FGGY: variants seen among roughly 807,000 people sequenced by gnomAD.
FGGY encodes the protein FGGY carbohydrate kinase domain-containing protein.
Under a neutral mutation model 71.3 loss-of-function variants are expected in FGGY, and 72 were observed. The ratio of observed to expected loss-of-function variants is 1.01; its 90% CI spans 0.84 to 1.23. The LOEUF (loss-of-function observed/expected upper bound fraction) is 1.23. FGGY is among the 50% of genes most tolerant of loss of function. The pLI is 0.00. For missense variants in FGGY, 668 were observed against 682.3 expected, an observed-to-expected ratio of 0.98 and a Z score of 0.23; for synonymous variants, 251 against 250.3, an observed-to-expected ratio of 1.00 and a Z score of -0.02.
At chr1:59,659,952 GAAATATCAAACATAATCTTC>G in intron 11 of FGGY, among the ~76,000 whole-genome samples, 1 of 152,282 alleles carries the variant, frequency 6.6e-6, no homozygotes, top group Non-Finnish European at 1.5e-5. Flanking sequence ...TATCGTCTAA[GAAATATCAAACATAATCTTC>G]CTGTGGTATT....
chr1:59,644,699 C>T (rs903888508), intron 11 of FGGY, among the ~76,000 whole-genome samples: 5 of 151,732 alleles, frequency 3.3e-5, no homozygotes, highest in East Asian at 1.9e-4. Context: ...GAATATAGGC[C>T]GGGTGCGGTG....
rs1444284884 is a variant in FGGY, at chr1:59,500,178, A to G, written c.671-12133A>G. Among the ~76,000 whole-genome samples the G allele has an allele frequency of 2.2e-4, 34 of 152,226 alleles. 2 individuals are homozygous for G. ...ATATGATCAGAGCAAATTCCAGGGT[A>G]TGCTTGAAAGTAGATTTAAGGAAGA... On this transcript the variant is annotated intron_variant, in intron 6 of 15. Transcript: ENST00000303721.
chr1:59,516,209 C>G (rs1186318906), intron 7 of FGGY, among the ~76,000 whole-genome samples: 1 of 152,140 alleles, frequency 6.6e-6, no homozygotes, highest in African/African-American at 2.4e-5. Flanking sequence ...TCTACCTTTC[C>G]TATACCCCTA....
intron 7 of FGGY, among the ~76,000 whole-genome samples, chr1:59,550,156 G>A (rs186563196): frequency 6.6e-6 from 1 of 152,100 alleles, no homozygotes; most frequent in Non-Finnish European, 1.5e-5. Context: ...TTTGAGGATT[G>A]CAGAATAAAC....
chr1:59,673,225 G>A (rs931874926), intron 13 of FGGY, among the ~76,000 whole-genome samples: 2 of 152,192 alleles, frequency 1.3e-5, no homozygotes, highest in Non-Finnish European at 2.9e-5. Context: ...AGGGGGTAAG[G>A]AGTGTTGAGG....
intron 5 of FGGY, among the ~76,000 whole-genome samples, chr1:59,405,893 ACTT>A (rs951862387): frequency 2.0e-5 from 3 of 148,534 alleles, no homozygotes; most frequent in African/African-American, 7.4e-5. Flanking sequence ...AAATTATTCT[ACTT>A]CTTAGTGCTT....
intron 6 of FGGY, among the ~76,000 whole-genome samples, chr1:59,499,672 T>A (rs2094162594): frequency 6.6e-6 from 1 of 152,192 alleles, no homozygotes; most frequent in Admixed American, 6.5e-5. Flanking sequence ...CATTTCTTCA[T>A]ATGTTTGAGA....
intron 8 of FGGY, among the ~76,000 whole-genome samples, chr1:59,555,315 A>G (rs766711192): frequency 1.3e-5 from 2 of 152,192 alleles, no homozygotes; most frequent in East Asian, 1.9e-4. Context: ...CCCATTTTCT[A>G]TGGCTGAGGG....
intron 11 of FGGY, among the ~76,000 whole-genome samples, chr1:59,647,730 C>A (rs1255357606): frequency 6.6e-6 from 1 of 150,972 alleles, no homozygotes; most frequent in African/African-American, 2.4e-5. Context: ...GCCCACCACC[C>A]CTGCCACCAT....
chr1:59,680,552 G>A (rs1362500895), intron 14 of FGGY: 5 of 150,330 alleles, frequency 3.3e-5, no homozygotes, highest in African/African-American at 9.8e-5. Context: ...AAAACCTCTG[G>A]TTTCAATCCA....
intron 7 of FGGY, among the ~76,000 whole-genome samples, chr1:59,522,539 G>A (rs185867648): frequency 1.2e-4 from 19 of 152,290 alleles, no homozygotes; most frequent in Admixed American, 3.9e-4. Flanking sequence ...AATGGGATGC[G>A]TAGCTATTGG....
chr1:59,665,953 G>T (rs1033322893), intron 12 of FGGY, among the ~76,000 whole-genome samples: 1 of 152,146 alleles, frequency 6.6e-6, no homozygotes, highest in Admixed American at 6.5e-5. Flanking sequence ...GATTACAGGC[G>T]TGAGCCACCG....
At chr1:59,685,038 G>C (rs553912285) in intron 14 of FGGY, among the ~76,000 whole-genome samples, 1 of 152,164 alleles carries the variant, frequency 6.6e-6, no homozygotes, top group Non-Finnish European at 1.5e-5. Flanking sequence ...CTCGCCTAAG[G>C]TCATCTAGAT....
At chr1:59,340,100 G>T in intron 3 of FGGY, 31 bp downstream of exon 3, 1 of 1,499,220 alleles carries the variant, frequency 6.7e-7, no homozygotes, top group Non-Finnish European at 9.2e-7. Context: ...TTTCCCAGTG[G>T]TGGGATACTT....
At chr1:59,341,180 G>A (rs74868166) in intron 3 of FGGY, among the ~76,000 whole-genome samples, 4,493 of 152,240 alleles carry the variant, frequency 0.03, 189 homozygotes, top group African/African-American at 0.1. Context: ...TTAACTCTGT[G>A]TTTCTCAGTT....
intron 1 of FGGY, among the ~76,000 whole-genome samples, chr1:59,320,563 A>C (rs1472863233): frequency 6.6e-6 from 1 of 152,182 alleles, no homozygotes; most frequent in African/African-American, 2.4e-5. Flanking sequence ...GACCAAAGGG[A>C]CTTAGAGCAG....
chr1:59,567,097 C>G (rs76752387), intron 8 of FGGY, among the ~76,000 whole-genome samples: 2,915 of 152,212 alleles, frequency 0.019, 53 homozygotes, highest in Non-Finnish European at 0.032. Context: ...GAGAAGAAAT[C>G]GTGCCATACC....
At chr1:59,595,440 CA>C (rs1343625690) in intron 8 of FGGY, among the ~76,000 whole-genome samples, 1 of 152,126 alleles carries the variant, frequency 6.6e-6, no homozygotes, top group Non-Finnish European at 1.5e-5. Flanking sequence ...CCTGTAATCC[CA>C]GCACTTTAGG....
At chr1:59,663,327 G>A (rs780742187) in intron 12 of FGGY, among the ~76,000 whole-genome samples, 8 of 152,166 alleles carry the variant, frequency 5.3e-5, no homozygotes, top group African/African-American at 1.9e-4. Flanking sequence ...CCTTTGATCT[G>A]TTTGTAAAAG....
Sources: gnomAD v4.1 joint callset for allele counts (sites outside exome capture counted in the v4.1 genomes callset) on GRCh38, gnomAD v4.1.1 for gene constraint, MANE v1.5 for transcripts, NCBI Gene and HGNC (gene_info 2026-07-23, HGNC 2026-07-21) for gene names.